The following WWOX variants were observed in gnomAD, a reference collection of about 807,000 sequenced individuals.
WWOX encodes WW domain containing oxidoreductase.
A neutral mutation model predicts 46.2 loss-of-function variants in WWOX; 69 were observed. The ratio of observed to expected loss-of-function variants is 1.49; its 90% CI spans 1.23 to 1.82. WWOX has a LOEUF of 1.82. WWOX is among the 40% of genes most tolerant of loss of function. The probability of loss-of-function intolerance (pLI) is 0.00; values close to 1 mark genes in which losing one functional copy is unlikely to be tolerated. For missense variants in WWOX, 919 were observed against 542.6 expected, an observed-to-expected ratio of 1.69 and a Z score of -6.89; for synonymous variants, 359 against 202.6, an observed-to-expected ratio of 1.77 and a Z score of -6.56.
intron 8 of WWOX, among the ~76,000 whole-genome samples, chr16:78,968,777 T>C (rs1388518690): frequency 6.6e-6 from 1 of 152,144 alleles, no homozygotes; most frequent in East Asian, 1.9e-4. Flanking sequence ...ATTAAAGCTA[T>C]TGGAGATAGC....
chr16:78,110,096 C>G (rs139261827), intron 3 of WWOX, among the ~76,000 whole-genome samples: 3 of 151,420 alleles, frequency 2.0e-5, no homozygotes, highest in Non-Finnish European at 2.9e-5. Context: ...AATCCCAGCA[C>G]TTTGGGAGGT....
intron 8 of WWOX, among the ~76,000 whole-genome samples, chr16:78,968,791 G>T (rs773256993): frequency 6.6e-6 from 1 of 152,116 alleles, no homozygotes; most frequent in African/African-American, 2.4e-5. Context: ...AGATAGCACA[G>T]ATTGTTTCAT....
intron 8 of WWOX, among the ~76,000 whole-genome samples, chr16:78,502,865 T>G (rs903810457): frequency 1.3e-5 from 2 of 152,174 alleles, no homozygotes; most frequent in African/African-American, 2.4e-5. Flanking sequence ...GCTGAGCTCC[T>G]CCTTAGGTGA....
chr16:78,875,289 T>C (rs1421014313), intron 8 of WWOX, among the ~76,000 whole-genome samples: 2 of 152,152 alleles, frequency 1.3e-5, no homozygotes, highest in East Asian at 3.9e-4. Flanking sequence ...TAGGTTTCTG[T>C]TAAAAACCCC....
At chr16:78,454,733 G>A (rs559585798) in intron 8 of WWOX, among the ~76,000 whole-genome samples, 4 of 152,274 alleles carry the variant, frequency 2.6e-5, no homozygotes, top group East Asian at 3.9e-4. Context: ...TCAACGTCAG[G>A]TGATCCATCC....
intron 8 of WWOX, chr16:78,873,655 T>A (rs1040437994): frequency 6.6e-6 from 1 of 152,124 alleles, no homozygotes; most frequent in Non-Finnish European, 1.5e-5. Flanking sequence ...CTGGGCATGA[T>A]GTTGCATGCC....
intron 8 of WWOX, among the ~76,000 whole-genome samples, chr16:78,708,992 TA>T (rs2048381779): frequency 6.6e-6 from 1 of 152,204 alleles, no homozygotes; most frequent in African/African-American, 2.4e-5. Context: ...AGAAGTGTTT[TA>T]AATTTTATCA....
intron 8 of WWOX, among the ~76,000 whole-genome samples, chr16:78,819,408 C>T (rs1475642677): frequency 6.6e-6 from 1 of 152,232 alleles, no homozygotes; most frequent in Non-Finnish European, 1.5e-5. Flanking sequence ...ATTTCCATGG[C>T]AACACCTAGA....
chr16:78,209,875 G>T (rs1247712245), intron 5 of WWOX, among the ~76,000 whole-genome samples: 1 of 152,090 alleles, frequency 6.6e-6, no homozygotes, highest in Non-Finnish European at 1.5e-5. Flanking sequence ...TCATTTATAA[G>T]TTACCTTCTT....
intron 7 of WWOX, among the ~76,000 whole-genome samples, chr16:78,426,446 C>T (rs1190526202): frequency 1.3e-5 from 2 of 152,080 alleles, no homozygotes; most frequent in East Asian, 3.9e-4. Context: ...CGTCTTTGTT[C>T]TTTGCTTAAC....
intron 8 of WWOX, among the ~76,000 whole-genome samples, chr16:79,192,473 T>G (rs2051156193): frequency 6.6e-6 from 1 of 152,212 alleles, no homozygotes; most frequent in African/African-American, 2.4e-5. Context: ...GCTGCACATT[T>G]TAGCCTCATC....
chr16:78,649,171 G>T (rs1287811488), intron 8 of WWOX, among the ~76,000 whole-genome samples: 1 of 152,018 alleles, frequency 6.6e-6, no homozygotes, highest in African/African-American at 2.4e-5. Context: ...TTTTAGTAGA[G>T]ACGGGATTTC....
At chr16:78,820,004 TGTG>T (rs750033496) in intron 8 of WWOX, among the ~76,000 whole-genome samples, 24 of 152,320 alleles carry the variant, frequency 1.6e-4, no homozygotes, top group Non-Finnish European at 2.2e-4. Flanking sequence ...GGGATGGTAA[TGTG>T]GTGATATGGA....
intron 6 of WWOX, among the ~76,000 whole-genome samples, chr16:78,396,186 G>C (rs1370811002): frequency 2.6e-5 from 4 of 152,148 alleles, no homozygotes; most frequent in Admixed American, 1.3e-4. Context: ...TCTTACAGTA[G>C]TTGTGATGCT....
chr16:78,313,050 C>T (rs2080279699), intron 5 of WWOX, among the ~76,000 whole-genome samples: 1 of 152,228 alleles, frequency 6.6e-6, no homozygotes, highest in South Asian at 2.1e-4. Context: ...CAGACATGTC[C>T]TGTTTTCAGA....
intron 8 of WWOX, among the ~76,000 whole-genome samples, chr16:78,716,788 G>A (rs1897519785): frequency 6.6e-6 from 1 of 152,116 alleles, no homozygotes; most frequent in Admixed American, 6.5e-5. Flanking sequence ...CTGGAGAAAC[G>A]TGGCCCAGCA....
intron 5 of WWOX, among the ~76,000 whole-genome samples, chr16:78,242,895 C>G (rs2037703365): frequency 6.6e-6 from 1 of 152,110 alleles, no homozygotes; most frequent in South Asian, 2.1e-4. Flanking sequence ...GTAATTCCAG[C>G]TACTTGGGAG....
intron 6 of WWOX, among the ~76,000 whole-genome samples, chr16:78,400,031 G>A (rs1258148844): frequency 2.0e-5 from 3 of 152,148 alleles, no homozygotes; most frequent in African/African-American, 7.2e-5. Flanking sequence ...AATATTGTGA[G>A]TCCTTTCTTG....
intron 5 of WWOX, among the ~76,000 whole-genome samples, chr16:78,198,796 A>G (rs1029459524): frequency 6.6e-6 from 1 of 152,194 alleles, no homozygotes; most frequent in African/African-American, 2.4e-5. Context: ...TTATATATAT[A>G]TATATGCATT....
Sources: allele counts gnomAD v4.1 joint callset (sites outside exome capture counted in the v4.1 genomes callset), GRCh38; gene constraint gnomAD v4.1.1; transcripts MANE v1.5; gene names NCBI Gene and HGNC (gene_info 2026-07-23, HGNC 2026-07-21).